Variants in LIPC observed in about 807,000 individuals in gnomAD.
LIPC encodes the protein lipase C, hepatic type.
A neutral mutation model predicts 50.7 loss-of-function variants in LIPC; 44 were observed. The observed-to-expected ratio is 0.87, with a 90% CI of 0.68 to 1.11. The LOEUF (loss-of-function observed/expected upper bound fraction) is 1.11, where lower values mean the gene tolerates loss of function less well. Ranked by LOEUF, LIPC falls within the 50% of genes most tolerant of loss-of-function variation. LIPC has a pLI of 0.00. For synonymous variants in LIPC, 271 were observed against 256.4 expected, an observed-to-expected ratio of 1.06 and a Z score of -0.54; for missense variants, 697 against 648.2, an observed-to-expected ratio of 1.08 and a Z score of -0.82.
At chr15:58,493,637 CAAAATTTATTACGTATAAAT>C in intron 1 of LIPC, among the ~76,000 whole-genome samples, 1 of 141,304 alleles carries the variant, frequency 7.1e-6, no homozygotes, top group Non-Finnish European at 1.5e-5. Context: ...AAAATTTATA[CAAAATTTATTACGTATAAAT>C]AAAATTTATA....
intron 1 of LIPC, among the ~76,000 whole-genome samples, chr15:58,483,839 C>A (rs1176738447): frequency 6.6e-6 from 1 of 152,100 alleles, no homozygotes; most frequent in Non-Finnish European, 1.5e-5. Context: ...CTAATTTATT[C>A]TCTGGGAGAT....
At chr15:58,547,357 G>A (rs1345059409) in intron 5 of LIPC, among the ~76,000 whole-genome samples, 2 of 152,294 alleles carry the variant, frequency 1.3e-5, no homozygotes, top group Non-Finnish European at 2.9e-5. Flanking sequence ...CGAAAACAGC[G>A]GCCTCAAGGA....
intron 1 of LIPC, among the ~76,000 whole-genome samples, chr15:58,467,704 G>GT (rs1353558552): frequency 6.6e-6 from 1 of 152,132 alleles, no homozygotes; most frequent in Admixed American, 6.6e-5. Context: ...GATGTTCTAT[G>GT]TTTTATTTTG....
At chr15:58,471,063 G>T (rs1894774853) in intron 1 of LIPC, among the ~76,000 whole-genome samples, 1 of 151,610 alleles carries the variant, frequency 6.6e-6, no homozygotes, top group South Asian at 2.1e-4. Context: ...AATTTATGGA[G>T]GCCTCAGGAC....
At chr15:58,545,542 G>A (rs1054897401) in intron 4 of LIPC, among the ~76,000 whole-genome samples, 200 bp from the exon 5 acceptor site, 1 of 152,234 alleles carries the variant, frequency 6.6e-6, no homozygotes, top group Non-Finnish European at 1.5e-5. Context: ...TGCCCAGCCT[G>A]TGTGTCATTG....
At chr15:58,540,015 T>C (rs1893268131) in intron 2 of LIPC, among the ~76,000 whole-genome samples, 1 of 152,228 alleles carries the variant, frequency 6.6e-6, no homozygotes, top group African/African-American at 2.4e-5. Flanking sequence ...TCTAATTGTC[T>C]GTGTTTCTCT....
chr15:58,499,587 C>T (rs779275841), intron 1 of LIPC, among the ~76,000 whole-genome samples: 8 of 152,156 alleles, frequency 5.3e-5, no homozygotes, highest in Non-Finnish European at 8.8e-5. Flanking sequence ...AGCCACCGAA[C>T]CCTATAAGTT....
At chr15:58,553,289 G>T (rs1270311418) in intron 6 of LIPC, among the ~76,000 whole-genome samples, 2 of 152,134 alleles carry the variant, frequency 1.3e-5, no homozygotes, top group Non-Finnish European at 2.9e-5. Flanking sequence ...GGCAGCAACA[G>T]ACCCCCACAG....
At chr15:58,514,162 T>C (rs1892416457) in intron 1 of LIPC, among the ~76,000 whole-genome samples, 1 of 152,164 alleles carries the variant, frequency 6.6e-6, no homozygotes, top group Non-Finnish European at 1.5e-5. Flanking sequence ...AGAACACCTG[T>C]TTGTAATGGG....
At chr15:58,467,006 A>G (rs1894591774) in intron 1 of LIPC, among the ~76,000 whole-genome samples, 1 of 152,172 alleles carries the variant, frequency 6.6e-6, no homozygotes, top group African/African-American at 2.4e-5. Flanking sequence ...ATTTTTTTAT[A>G]GATTATACAG....
chr15:58,568,619 C>G, intron 8 of LIPC, 97 bp from the exon 9 acceptor site: 9 of 757,032 alleles, frequency 1.2e-5, no homozygotes, highest in Non-Finnish European at 2.1e-5. Flanking sequence ...ACATCACATG[C>G]CTTACACAAA....
rs752409061 is a variant in LIPC at position 58,568,832 on chromosome 15, T to C, written c.*5T>C. On this transcript the variant is annotated 3_prime_UTR_variant, in exon 9 of 9. Coordinates refer to ENST00000299022, the MANE Select transcript of LIPC (RefSeq NM_000236.3). Reference sequence around the variant, plus strand: ...TCAAAGCGAAAGATCAGATGAGATTTAATGAAGACCCAGTGTAAAGAATAA... The same window carrying C: ...TCAAAGCGAAAGATCAGATGAGATTCAATGAAGACCCAGTGTAAAGAATAA... 8 of 1,510,466 alleles carry C rather than the reference T, an allele frequency of 5.3e-6. No individual in the cohort carries two copies. The South Asian group carries it at 9.1e-5, about 17-fold the overall frequency. 93.6% of individuals were successfully genotyped at this position (1,510,466 alleles called of 1,614,324 possible).
intron 1 of LIPC, among the ~76,000 whole-genome samples, chr15:58,511,660 T>C (rs890823729): frequency 6.6e-6 from 1 of 152,234 alleles, no homozygotes; most frequent in African/African-American, 2.4e-5. Flanking sequence ...TTTTTAAAAG[T>C]TGATGTCACT....
chr15:58,525,659 G>C (rs1223074341), intron 1 of LIPC, among the ~76,000 whole-genome samples: 1 of 152,074 alleles, frequency 6.6e-6, no homozygotes, highest in African/African-American at 2.4e-5. Context: ...CCAAATAGGA[G>C]ACCTATGTCT....
At chr15:58,479,162 C>A (rs1390931187) in intron 1 of LIPC, among the ~76,000 whole-genome samples, 1 of 152,202 alleles carries the variant, frequency 6.6e-6, no homozygotes, top group Non-Finnish European at 1.5e-5. Flanking sequence ...TGTAGTTCTT[C>A]CAACTGTCAT....
chr15:58,541,185 G>A (rs1893306579), intron 2 of LIPC, among the ~76,000 whole-genome samples: 1 of 152,110 alleles, frequency 6.6e-6, no homozygotes, highest in Non-Finnish European at 1.5e-5. Context: ...CATTAGGAGT[G>A]CCCTGCAAAT....
At chr15:58,503,779 A>C (rs777377251) in intron 1 of LIPC, among the ~76,000 whole-genome samples, 9 of 152,122 alleles carry the variant, frequency 5.9e-5, no homozygotes, top group Non-Finnish European at 1.0e-4. Flanking sequence ...AGGGCAAGTC[A>C]CCTGGACACA....
intron 1 of LIPC, among the ~76,000 whole-genome samples, chr15:58,536,199 T>C (rs754661248): frequency 3.9e-5 from 6 of 152,122 alleles, no homozygotes; most frequent in Non-Finnish European, 8.8e-5. Context: ...CAGTTCCATT[T>C]TAATGAATGG....
Position 58,542,547 on chromosome 15 carries a change from T to A in LIPC, c.470T>A (p.Leu157His), listed in dbSNP as rs1893366359. ...LLRWLEESVQLSRSHVHLIGY... is the reference protein window; with the variant it reads ...LLRWLEESVQHSRSHVHLIGY... ...GCTGTCTTCCAGGAATCTGTGCAAC[T>A]CTCTCGAAGCCATGTTCACCTAATT... Residue 157 changes from leucine to histidine, a missense_variant, in exon 4 of 9, where the codon CTC (leucine) becomes CAC (histidine). Leu to His is a moderately conservative substitution (Grantham distance 99). Transcript: ENST00000299022. The A allele has an allele frequency of 1.2e-6, 2 of 1,612,252 alleles. No homozygotes were observed. The highest frequency in any genetic ancestry group is 1.7e-4 in the Middle Eastern group (1 of 6,058).
Sources: allele counts gnomAD v4.1 joint callset (sites outside exome capture counted in the v4.1 genomes callset), GRCh38; gene constraint gnomAD v4.1.1; transcripts MANE v1.5; gene names NCBI Gene and HGNC (gene_info 2026-07-23, HGNC 2026-07-21).